The following IBTK variants were observed in gnomAD, a reference collection of about 807,000 sequenced individuals.
IBTK encodes the protein BTK-binding protein.
A neutral mutation model predicts 154.9 loss-of-function variants in IBTK; 83 were observed. The ratio of observed to expected loss-of-function variants is 0.54; its 90% CI spans 0.45 to 0.64. The LOEUF (loss-of-function observed/expected upper bound fraction) is 0.64, where lower values mean the gene tolerates loss of function less well. IBTK is among the 30% of genes least tolerant of loss of function. The probability of loss-of-function intolerance (pLI) is 0.00; values close to 1 mark genes in which losing one functional copy is unlikely to be tolerated. For missense variants in IBTK, 1,332 were observed against 1,584.6 expected (o/e 0.84, Z 2.71); for synonymous variants, 515 against 536.1 (o/e 0.96, Z 0.54).
intron 2 of IBTK, among the ~76,000 whole-genome samples, chr6:82,237,888 GA>G (rs1271363135): frequency 6.6e-6 from 1 of 152,062 alleles, no homozygotes; most frequent in Non-Finnish European, 1.5e-5. Context: ...TTAAGGACCA[GA>G]ACTGTTTTTT....
chr6:82,237,550 TAGC>T (rs35272040), intron 2 of IBTK, among the ~76,000 whole-genome samples: 63,438 of 149,254 alleles, frequency 0.43, 13,852 homozygotes, highest in East Asian at 0.74. Context: ...GTAGTAGTAG[TAGC>T]AGCAGCAGCA....
chr6:82,196,970 AGT>A (rs1264384240), intron 21 of IBTK, among the ~76,000 whole-genome samples: 2 of 152,142 alleles, frequency 1.3e-5, no homozygotes, highest in African/African-American at 4.8e-5. Flanking sequence ...GCCTGTTTGA[AGT>A]GTGTTTTTCC....
At chr6:82,246,463 G>C (rs1165075640) in intron 1 of IBTK, among the ~76,000 whole-genome samples, 1 of 27,796 alleles carries the variant, frequency 3.6e-5, no homozygotes. Context: ...TTTTTTTTTT[G>C]AGATGGTGCC....
At chr6:82,241,269 C>T (rs919800344) in intron 1 of IBTK, among the ~76,000 whole-genome samples, 3 of 152,224 alleles carry the variant, frequency 2.0e-5, no homozygotes, top group East Asian at 3.9e-4. Flanking sequence ...TATGTCCCCA[C>T]AAGCTATGAA....
rs567834202 is a variant in IBTK at position 82,199,684 on chromosome 6, C to T, written c.3025+457G>A. On this transcript the variant is annotated intron_variant, in intron 21 of 28. Coordinates refer to ENST00000306270, the MANE Select transcript of IBTK (RefSeq NM_015525.4). Reference sequence around the variant, plus strand: ...AAAAACAAATCTCATCCAGTCACATCCTGTTTTAAATCATCAACAGCCACC... The same window carrying T: ...AAAAACAAATCTCATCCAGTCACATTCTGTTTTAAATCATCAACAGCCACC... 1.5e-3 allele frequency among the ~76,000 whole-genome samples: 229 copies of T among 152,238 alleles called. 1 individual carries two copies. The highest frequency in any genetic ancestry group is 5.2e-3 in the African/African-American group (216 of 41,550).
Position 82,240,189 on chromosome 6 carries a change from C to G in IBTK, c.298G>C (p.Asp100His), listed in dbSNP as rs912976608. 5 of 1,613,790 alleles carry G rather than the reference C, an allele frequency of 3.1e-6. No individual in the cohort carries two copies. The highest frequency in any genetic ancestry group is 3.4e-6 in the Non-Finnish European group (4 of 1,179,752). ...ACCTTCAATAGAGACCAAACACAAT[C>G]AATATGTCCATAAAAAATGCTTCTG... ...LHRSIFYGHI[D>H]CVWSLLKHGV... Residue 100 changes from aspartate (D) to histidine (H), a missense_variant, in exon 2 of 29, where the codon GAT becomes CAT. Physicochemically the swap from Asp to His is moderately conservative, Grantham distance 81. Around this residue, in one of 3 missense-constraint regions of IBTK, gnomAD observed 114 missense variants for 213.7 expected, o/e 0.53. Transcript: ENST00000306270.
rs1310473275 is a variant in IBTK, at chr6:82,191,173, T to C, written c.3475A>G (p.Lys1159Glu). ...HGVKLSQKQR[K>E]MIALTTKENN... The stretch of plus-strand genomic sequence containing the variant: ...TCCTTGGTAGTCAATGCAATCATTT[T>C]TCGTTGCTTCTGAGAAAGTTTAACT... Residue 1159 changes from lysine to glutamate, a missense_variant, in exon 25 of 29, where the codon AAA becomes GAA. Physicochemically the swap from Lys to Glu is moderately conservative, Grantham distance 56. Transcript: ENST00000306270. The C allele has an allele frequency of 6.2e-7, 1 of 1,610,162 alleles. No homozygotes were observed. The highest frequency in any genetic ancestry group is 1.7e-5 in the Admixed American group (1 of 59,072).
chr6:82,211,254 G>T, intron 15 of IBTK, 113 bp downstream of exon 15: 1 of 787,144 alleles, frequency 1.3e-6, no homozygotes, highest in Non-Finnish European at 2.0e-6. Context: ...TAATATAAAT[G>T]AAAAACTGAG....
rs950135432 is a variant in IBTK, at chr6:82,227,409, C to T, written c.544-107G>A. On this transcript the variant is annotated intron_variant, in intron 4 of 28. Transcript: ENST00000306270. ...AATTGTTTAAACAGGATAATGGATA[C>T]AAGGGGAATTTATAAGACTTTAATT... 3 of 534,460 alleles carry T rather than the reference C, an allele frequency of 5.6e-6. No individual in the cohort carries two copies. In the African/African-American group the frequency reaches 5.9e-5, roughly 11 times the overall value. The allele number at this position is 534,460 out of a possible 1,614,324, so 33.1% of individuals were successfully genotyped here.
intron 9 of IBTK, among the ~76,000 whole-genome samples, chr6:82,218,742 T>C (rs1769965061): frequency 6.6e-6 from 1 of 152,164 alleles, no homozygotes; most frequent in Non-Finnish European, 1.5e-5. Flanking sequence ...ACAGTAGCAA[T>C]TGTTTTATCT....
intron 25 of IBTK, among the ~76,000 whole-genome samples, chr6:82,186,074 T>C (rs1413277139): frequency 6.6e-6 from 1 of 152,200 alleles, no homozygotes; most frequent in Non-Finnish European, 1.5e-5. Context: ...ACTATTATAA[T>C]TGTTTTGGAG....
At chr6:82,197,425 C>T (rs9294249) in intron 21 of IBTK, among the ~76,000 whole-genome samples, 33,590 of 147,376 alleles carry the variant, frequency 0.23, 3,794 homozygotes, top group African/African-American at 0.25. Flanking sequence ...GGCTGGAGTG[C>T]GGTGGCATGA....
At chr6:82,242,737 A>G (rs9361907) in intron 1 of IBTK, among the ~76,000 whole-genome samples, 36,149 of 148,534 alleles carry the variant, frequency 0.24, 4,367 homozygotes, top group African/African-American at 0.29. Flanking sequence ...ATGAGGTCAA[A>G]AGATCAAGAC....
chr6:82,233,890 T>C (rs1014155358), intron 3 of IBTK, among the ~76,000 whole-genome samples: 13 of 151,846 alleles, frequency 8.6e-5, no homozygotes, highest in African/African-American at 2.9e-4. Context: ...CCTGCTACCA[T>C]GCCCGGCTAA....
At chr6:82,220,777 A>G in intron 8 of IBTK, 64 bp from the exon 9 acceptor site, 5 of 1,277,772 alleles carry the variant, frequency 3.9e-6, no homozygotes, top group Non-Finnish European at 5.3e-6. Context: ...CCTAAACTTC[A>G]AAGAAGTTAG....
intron 5 of IBTK, 65 bp downstream of exon 5, chr6:82,227,127 T>G (rs1186570630): frequency 2.7e-6 from 3 of 1,111,554 alleles, no homozygotes; most frequent in African/African-American, 3.2e-5. Flanking sequence ...TTTAGTTAAT[T>G]AAATCTTTCA....
chr6:82,224,170 G>A lies in IBTK; in HGVS notation c.841C>T (p.Leu281=). 1 of 1,613,450 alleles carries A rather than the reference G, an allele frequency of 6.2e-7. No individual in the cohort carries two copies. The highest frequency in any genetic ancestry group is 8.5e-7 in the Non-Finnish European group (1 of 1,179,434). ...ACGCCAATGATTGTCCTTCCTTTCA[G>A]ATATTTTGCCTGTATCTATTTAAAG... The part of the protein sequence containing the change: ...NVPRQIQAKY[L]KGRTIIGVAA... Residue 281 remains leucine (L), a synonymous_variant, in exon 7 of 29, where the codon CTG becomes TTG. Transcript: ENST00000306270.
In IBTK at chr6:82,224,156, T is replaced by G; in HGVS notation, c.855A>C (p.Thr285=). 6.2e-7 allele frequency: 1 copy of G among 1,614,052 alleles called. No homozygotes were observed. Among genetic ancestry groups the G allele is most frequent in the African/African-American group, 1.3e-5 (1 of 75,074 alleles). ...QIQAKYLKGR[T]IIGVAAGRFH... ...ACCTGCCTGCTGCAACGCCAATGAT[T>G]GTCCTTCCTTTCAGATATTTTGCCT... The change falls in exon 7 of 29, where the codon ACA becomes ACC. Residue 285 remains threonine (T), a synonymous_variant. Transcript: ENST00000306270.
At chr6:82,182,051 TG>T in intron 25 of IBTK, 23 bp from the exon 26 acceptor site, 1 of 1,580,522 alleles carries the variant, frequency 6.3e-7, no homozygotes, top group Non-Finnish European at 8.5e-7. Context: ...GCAAAGATCA[TG>T]TTAAAACATC....
Sources: allele counts gnomAD v4.1 joint callset (sites outside exome capture counted in the v4.1 genomes callset), GRCh38; gene constraint gnomAD v4.1.1; regional missense constraint gnomAD v4.1.1; transcripts MANE v1.5; gene names NCBI Gene and HGNC (gene_info 2026-07-23, HGNC 2026-07-21).